Variants in ZFAND3 observed in about 807,000 individuals in gnomAD.
ZFAND3 encodes the protein AN1-type zinc finger protein 3.
A neutral mutation model predicts 29.6 loss-of-function variants in ZFAND3; 10 were observed. The ratio of observed to expected loss-of-function variants is 0.34; its 90% confidence interval spans 0.21 to 0.57. The LOEUF is 0.57. Among genes scored for constraint, ZFAND3 ranks in the 20% least tolerant of loss-of-function variants. The pLI, the probability that ZFAND3 is intolerant of heterozygous loss-of-function variation, is 0.86. For synonymous variants in ZFAND3, 128 were observed against 112.6 expected (o/e 1.14, Z -0.87); for missense variants, 230 against 304.5 (o/e 0.76, Z 1.82).
At chr6:38,007,956 G>A (rs1034871192) in intron 2 of ZFAND3, among the ~76,000 whole-genome samples, 1 of 152,108 alleles carries the variant, frequency 6.6e-6, no homozygotes, top group Non-Finnish European at 1.5e-5. Flanking sequence ...TCTGATCCAG[G>A]GACTAGCTAC....
Position 37,942,208 on chromosome 6 carries a change from A to G in ZFAND3, c.112+12209A>G, listed in dbSNP as rs1307145450. Among the ~76,000 whole-genome samples, 7 of 152,126 alleles carry G rather than the reference A, an allele frequency of 4.6e-5. No individual in the cohort carries two copies. The East Asian group carries it at 1.3e-3, about 29-fold the overall frequency. ...TGGTGCTGATACTCATTTGGGAATA[A>G]AAGAGATGGTTTTAACCCTTTGACT... On this transcript the variant is annotated intron_variant, in intron 2 of 5. Transcript: ENST00000287218.
intron 2 of ZFAND3, among the ~76,000 whole-genome samples, chr6:38,045,089 T>TTG (rs1561978660): frequency 1.0e-4 from 15 of 149,634 alleles, no homozygotes; most frequent in Admixed American, 3.3e-4. Flanking sequence ...TTTATTTATT[T>TTG]ATTTATTTAT....
intron 4 of ZFAND3, among the ~76,000 whole-genome samples, chr6:38,111,415 G>C (rs1355844680): frequency 1.3e-5 from 2 of 152,192 alleles, no homozygotes; most frequent in South Asian, 2.1e-4. Context: ...GTAATCTAGA[G>C]AAGATTAAAG....
chr6:37,918,424 T>C (rs1215448984), intron 1 of ZFAND3, among the ~76,000 whole-genome samples: 2 of 152,196 alleles, frequency 1.3e-5, no homozygotes, highest in Non-Finnish European at 2.9e-5. Context: ...AAGTACCTTG[T>C]GCTTTTCTTT....
chr6:38,041,704 TCCTCCTCCTC>T (rs1184940995), intron 2 of ZFAND3, among the ~76,000 whole-genome samples: 18 of 444 alleles, frequency 0.041, 3 homozygotes, highest in Admixed American at 0.071. Context: ...CTTCTCCTCC[TCCTCCTCCTC>T]CTCCTCCTCC....
rs149458760 is a variant in ZFAND3 at position 38,041,971 on chromosome 6, G to A, written c.113-19622G>A. Among the ~76,000 whole-genome samples the A allele has an allele frequency of 1.1e-3, 165 of 149,874 alleles. 1 individual carries two copies. Among genetic ancestry groups the A allele is most frequent in the Middle Eastern group, 6.8e-3 (2 of 294 alleles). On this transcript the variant is annotated intron_variant, in intron 2 of 5. Transcript: ENST00000287218. The stretch of plus-strand genomic sequence containing the variant: ...TGTGCCTCAGCCTCCCAAGTAGCTG[G>A]GACTATAAGTGTGCACACCACACAC...
At chr6:38,071,684 T>C (rs1764457091) in intron 3 of ZFAND3, among the ~76,000 whole-genome samples, 1 of 152,154 alleles carries the variant, frequency 6.6e-6, no homozygotes, top group Non-Finnish European at 1.5e-5. Flanking sequence ...TAAAGGAATA[T>C]AGTTTGTCTT....
intron 2 of ZFAND3, among the ~76,000 whole-genome samples, chr6:38,020,465 A>C (rs1235354083): frequency 6.6e-6 from 1 of 152,224 alleles, no homozygotes; most frequent in African/African-American, 2.4e-5. Flanking sequence ...ACAAGTCTCC[A>C]ACATAACTCT....
intron 4 of ZFAND3, among the ~76,000 whole-genome samples, chr6:38,103,074 A>T (rs1765125613): frequency 6.6e-6 from 1 of 152,158 alleles, no homozygotes; most frequent in Non-Finnish European, 1.5e-5. Flanking sequence ...TAACTTCTAA[A>T]TGAATGTTCT....
intron 1 of ZFAND3, among the ~76,000 whole-genome samples, chr6:37,900,631 A>G (rs754874705): frequency 1.3e-5 from 2 of 152,204 alleles, no homozygotes; most frequent in Non-Finnish European, 2.9e-5. Context: ...TAGTATTTGT[A>G]GTAACAAGGT....
intron 2 of ZFAND3, among the ~76,000 whole-genome samples, chr6:37,968,505 T>C (rs1322410773): frequency 1.3e-5 from 2 of 151,748 alleles, no homozygotes; most frequent in African/African-American, 4.8e-5. Flanking sequence ...TAATATTTGG[T>C]GTGTGCTGCT....
chr6:38,044,470 C>T (rs1025504812), intron 2 of ZFAND3, among the ~76,000 whole-genome samples: 3 of 151,940 alleles, frequency 2.0e-5, no homozygotes, highest in African/African-American at 4.8e-5. Context: ...AGAACTTGAG[C>T]GCCTGAGTGC....
chr6:38,092,563 G>A (rs562093235), intron 4 of ZFAND3, among the ~76,000 whole-genome samples: 15 of 152,322 alleles, frequency 9.8e-5, no homozygotes, highest in African/African-American at 2.9e-4. Context: ...TCACTTTAGA[G>A]TCATGGGGAA....
At chr6:37,838,055 G>C (rs998463013) in intron 1 of ZFAND3, among the ~76,000 whole-genome samples, 1 of 152,180 alleles carries the variant, frequency 6.6e-6, no homozygotes, top group African/African-American at 2.4e-5. Flanking sequence ...GCTGCAATCT[G>C]GGTGGTGCTA....
chr6:38,002,571 A>G (rs1200741327), intron 2 of ZFAND3, among the ~76,000 whole-genome samples: 6 of 152,038 alleles, frequency 3.9e-5, no homozygotes, highest in African/African-American at 1.4e-4. Context: ...CAGCTACTCA[A>G]GAGGCTGAGG....
At chr6:38,149,358 GC>G (rs1375698204) in intron 5 of ZFAND3, among the ~76,000 whole-genome samples, 11 of 149,692 alleles carry the variant, frequency 7.3e-5, no homozygotes, top group Non-Finnish European at 1.3e-4. Flanking sequence ...GCTGCAGTGA[GC>G]TAGGATCGCA....
chr6:37,847,313 C>T (rs901705108), intron 1 of ZFAND3, among the ~76,000 whole-genome samples: 4 of 151,998 alleles, frequency 2.6e-5, no homozygotes, highest in Non-Finnish European at 4.4e-5. Flanking sequence ...TGGTTGCTCC[C>T]GCCTGTAATC....
intron 5 of ZFAND3, among the ~76,000 whole-genome samples, chr6:38,127,011 C>A (rs947999723): frequency 1.3e-5 from 2 of 151,822 alleles, no homozygotes; most frequent in African/African-American, 4.8e-5. Flanking sequence ...TGTTAGCTCT[C>A]GATTCCTTAG....
intron 2 of ZFAND3, among the ~76,000 whole-genome samples, chr6:38,042,824 A>G (rs754610536): frequency 7.9e-5 from 12 of 152,174 alleles, no homozygotes; most frequent in Non-Finnish European, 1.8e-4. Context: ...ATTTATATTA[A>G]GTAATAAAAA....
Sources: gnomAD v4.1 joint callset for allele counts (sites outside exome capture counted in the v4.1 genomes callset) on GRCh38, gnomAD v4.1.1 for gene constraint, MANE v1.5 for transcripts, NCBI Gene and HGNC (gene_info 2026-07-23, HGNC 2026-07-21) for gene names.